Variants in DAAM1 observed in about 807,000 individuals in gnomAD.
DAAM1 encodes the protein disheveled-associated activator of morphogenesis 1.
DAAM1 carries 52 observed loss-of-function variants against 130.0 expected under a neutral mutation model. The observed-to-expected ratio is 0.40, with a 90% CI of 0.32 to 0.50. DAAM1 has a LOEUF of 0.50. Among genes scored for constraint, DAAM1 ranks in the 20% least tolerant of loss-of-function variants. DAAM1 has a pLI of 0.61. For missense variants in DAAM1, 1,134 were observed against 1,303.8 expected, an observed-to-expected ratio of 0.87 and a Z score of 2.01; for synonymous variants, 452 against 444.5, an observed-to-expected ratio of 1.02 and a Z score of -0.21.
rs769637192 is a variant in DAAM1, at chr14:59,331,237, G to A, written c.1589G>A (p.Gly530Glu). The A allele has an allele frequency of 6.2e-7, 1 of 1,612,800 alleles. No homozygotes were observed. The highest frequency in any genetic ancestry group is 1.1e-5 in the South Asian group (1 of 90,992). The change falls in exon 14 of 25, where the codon GGA (glycine) becomes GAA (glutamate). Residue 530 changes from glycine (G) to glutamate (E), a missense_variant. Gly to Glu is a moderately conservative substitution (Grantham distance 98). Around this residue, in one of 3 missense-constraint regions of DAAM1, gnomAD observed 644 missense variants for 695.9 expected, o/e 0.93. Transcript: ENST00000360909. ...RRAVCASIPG[G>E]PSPGAPGGPF... ...GCCGTCTGTGCTTCAATCCCAGGTG[G>A]ACCCTCGCCTGGAGCACCAGGAGGG...
chr14:59,199,992 A>G (rs1888049659), intron 1 of DAAM1, among the ~76,000 whole-genome samples: 1 of 152,190 alleles, frequency 6.6e-6, no homozygotes, highest in African/African-American at 2.4e-5. Context: ...CCAAGCCTGG[A>G]TATTTAGGGA....
At chr14:59,216,971 A>G (rs1306161733) in intron 1 of DAAM1, among the ~76,000 whole-genome samples, 1 of 151,968 alleles carries the variant, frequency 6.6e-6, no homozygotes, top group Admixed American at 6.6e-5. Context: ...TTGAGAGACA[A>G]TACCTCCCCA....
intron 2 of DAAM1, among the ~76,000 whole-genome samples, chr14:59,285,875 A>G (rs1594800050): frequency 1.3e-5 from 2 of 152,076 alleles, no homozygotes; most frequent in East Asian, 3.8e-4. Flanking sequence ...GAGGCAGAAA[A>G]CTAACAGAGA....
intron 15 of DAAM1, among the ~76,000 whole-genome samples, chr14:59,333,019 A>G (rs1885500680): frequency 6.6e-6 from 1 of 152,164 alleles, no homozygotes. Context: ...CAGAAAAGAA[A>G]TACTGAGCAC....
intron 2 of DAAM1, among the ~76,000 whole-genome samples, chr14:59,289,593 G>T (rs1883625807): frequency 6.6e-6 from 1 of 151,750 alleles, no homozygotes; most frequent in African/African-American, 2.4e-5. Flanking sequence ...ATTTAAAATA[G>T]AACTAGCATT....
rs750764545 is a variant in DAAM1, at chr14:59,330,677, G to A, written c.1549G>A (p.Glu517Lys). ...GGCGGACCTCACAGCACAGCTCCAT[G>A]AGCTCAGCAGGGTGAGGTCTTCCGC... is the stretch of plus-strand genomic sequence containing the variant. ...QVADLTAQLH[E>K]LSRRAVCASI... The change falls in exon 13 of 25, where the codon GAG becomes AAG. Residue 517 changes from glutamate (E) to lysine (K), a missense_variant. Glu to Lys is a moderately conservative substitution (Grantham distance 56). Transcript: ENST00000360909. 6.2e-6 allele frequency: 10 copies of A among 1,610,272 alleles called. No individual in the cohort carries two copies. The highest frequency in any genetic ancestry group is 7.6e-6 in the Non-Finnish European group (9 of 1,178,544).
At chr14:59,264,628 A>C (rs1882347514) in intron 2 of DAAM1, 1 of 151,962 alleles carries the variant, frequency 6.6e-6, no homozygotes. Flanking sequence ...TTTGTAATGG[A>C]ATTAGTTCTT....
At position 59,367,488 on chromosome 14, in the gene DAAM1, C is replaced by T. The variant is rs751276269; in HGVS notation, c.2886C>T (p.Phe962=). ...CTGGCAAAATACAACCAGATGAGTT[C>T]TTTGGCATTTTTGATCAATTTCTTC... ...EEAGKIQPDE[F]FGIFDQFLQA... is the part of the protein sequence containing the mutation. The change falls in exon 24 of 25, where the codon TTC becomes TTT. Residue 962 remains phenylalanine (F), a synonymous_variant. Transcript: ENST00000360909. The T allele has an allele frequency of 8.7e-6, 14 of 1,613,652 alleles. 1 individual carries two copies. Among genetic ancestry groups the T allele is most frequent in the Non-Finnish European group, 1.1e-5 (13 of 1,179,840 alleles).
chr14:59,284,224 T>A (rs1293202583), intron 2 of DAAM1, among the ~76,000 whole-genome samples: 1 of 152,028 alleles, frequency 6.6e-6, no homozygotes, highest in East Asian at 1.9e-4. Flanking sequence ...TATTAGGACA[T>A]AAGTGTTCGT....
At chr14:59,221,089 T>G (rs530470500) in intron 1 of DAAM1, among the ~76,000 whole-genome samples, 5 of 152,290 alleles carry the variant, frequency 3.3e-5, no homozygotes, top group Admixed American at 3.3e-4. Flanking sequence ...ATAAAGACAA[T>G]GACAAGGTCA....
intron 1 of DAAM1, among the ~76,000 whole-genome samples, chr14:59,195,303 C>T (rs1887854192): frequency 6.6e-6 from 1 of 152,050 alleles, no homozygotes. Context: ...ACCACCACGC[C>T]CAGCTAATTT....
At chr14:59,343,512 C>T (rs1009929681) in intron 16 of DAAM1, among the ~76,000 whole-genome samples, 1 of 152,216 alleles carries the variant, frequency 6.6e-6, no homozygotes, top group African/African-American at 2.4e-5. Flanking sequence ...TATTTCTTAT[C>T]TTGCTGTCTA....
rs1373517389 is a variant in DAAM1 at position 59,315,268 on chromosome 14, C to T, written c.274-12C>T. 1.9e-6 allele frequency: 3 copies of T among 1,613,714 alleles called. No homozygotes were observed. The highest frequency in any genetic ancestry group is 2.5e-6 in the Non-Finnish European group (3 of 1,179,750). On this transcript the variant is annotated splice_polypyrimidine_tract_variant and intron_variant, in intron 3 of 24. Transcript: ENST00000360909. ...GTTGGGTGGTATGTCACTTTTTTTC[C>T]CCCCTTTTTAGGACCAGGAAGAAAA...
intron 3 of DAAM1, among the ~76,000 whole-genome samples, chr14:59,296,891 G>A (rs974184198): frequency 9.9e-5 from 15 of 152,190 alleles, no homozygotes; most frequent in Non-Finnish European, 2.1e-4. Flanking sequence ...TAGGAAATCT[G>A]TAAAAGGCTT....
At chr14:59,344,629 G>A (rs1885997706) in intron 16 of DAAM1, among the ~76,000 whole-genome samples, 1 of 152,132 alleles carries the variant, frequency 6.6e-6, no homozygotes, top group South Asian at 2.1e-4. Flanking sequence ...TATGTTGACA[G>A]GTAGATTTTC....
intron 1 of DAAM1, among the ~76,000 whole-genome samples, chr14:59,233,024 T>C (rs930189682): frequency 6.6e-6 from 1 of 152,180 alleles, no homozygotes; most frequent in East Asian, 1.9e-4. Context: ...ACATTTTCTT[T>C]ATCTAGTCTA....
intron 1 of DAAM1, among the ~76,000 whole-genome samples, chr14:59,257,263 A>G (rs2139493442): frequency 6.6e-6 from 1 of 152,216 alleles, no homozygotes; most frequent in South Asian, 2.1e-4. Context: ...TTCACTTAGG[A>G]ATTTATACTT....
intron 1 of DAAM1, among the ~76,000 whole-genome samples, chr14:59,191,490 T>C (rs1887728511): frequency 6.6e-6 from 1 of 152,210 alleles, no homozygotes; most frequent in Admixed American, 6.5e-5. Flanking sequence ...CAAGGTCTAT[T>C]ATTTCCACTG....
Position 59,322,898 on chromosome 14 carries a change from A to T in DAAM1, c.447A>T (p.Val149=). ...GCATTTCTCTTCATGACAGGTTTGT[A>T]ACCAGATTCATCGACTTGGATGGCC... ...TALRTKPMRF[V]TRFIDLDGLS... Residue 149 remains valine (V), a synonymous_variant, in exon 6 of 25, where the codon GTA becomes GTT. Coordinates refer to ENST00000360909, the MANE Select transcript of DAAM1 (RefSeq NM_001270520.2). 1 of 1,608,800 alleles carries T rather than the reference A, an allele frequency of 6.2e-7. No homozygotes were observed. The highest frequency in any genetic ancestry group is 8.5e-7 in the Non-Finnish European group (1 of 1,176,470).
Sources: allele counts gnomAD v4.1 joint callset (sites outside exome capture counted in the v4.1 genomes callset), GRCh38; gene constraint gnomAD v4.1.1; regional missense constraint gnomAD v4.1.1; transcripts MANE v1.5; gene names NCBI Gene and HGNC (gene_info 2026-07-23, HGNC 2026-07-21).